The following PLEKHA4 variants were observed in gnomAD, a reference collection of about 807,000 sequenced individuals.
PLEKHA4 encodes pleckstrin homology domain-containing family A member 4.
Under a neutral mutation model 94.7 loss-of-function variants are expected in PLEKHA4, and 73 were observed. The observed-to-expected ratio is 0.77, with a 90% CI of 0.64 to 0.94. PLEKHA4 has a LOEUF of 0.94. PLEKHA4 is among the 40% of genes least tolerant of loss of function. The probability of loss-of-function intolerance (pLI) is 0.00; values close to 1 mark genes in which losing one functional copy is unlikely to be tolerated. For synonymous variants in PLEKHA4, 449 were observed against 437.1 expected, an observed-to-expected ratio of 1.03 and a Z score of -0.34; for missense variants, 1,049 against 1,054.1, an observed-to-expected ratio of 1.00 and a Z score of 0.07.
rs761334864 is a variant in PLEKHA4, at chr19:48,854,018, G to C, written c.1165C>G (p.Gln389Glu). 4 of 1,614,138 alleles carry C rather than the reference G, an allele frequency of 2.5e-6. No homozygotes were observed. The highest frequency in any genetic ancestry group is 3.4e-6 in the Non-Finnish European group (4 of 1,180,014). Residue 389 changes from glutamine to glutamate, a missense_variant, in exon 11 of 20, where the codon CAG becomes GAG. Gln to Glu is a conservative substitution (Grantham distance 29, BLOSUM62 2). Transcript: ENST00000263265. ...CCAGGGCCCCGCACCTTCTCCTCCTGCTTCTGGTCTATCTCCTCCTGCAGC... is the reference window on the plus strand; with the variant it reads ...CCAGGGCCCCGCACCTTCTCCTCCTCCTTCTGGTCTATCTCCTCCTGCAGC... ...RRLQEEIDQK[Q>E]EEKEQLEAAL...
intron 7 of PLEKHA4, 100 bp downstream of exon 7, chr19:48,859,369 C>G (rs1449098545): frequency 1.5e-6 from 2 of 1,300,550 alleles, no homozygotes; most frequent in Admixed American, 4.6e-5. Context: ...CCCAGCAAGT[C>G]ACACACACTC....
At chr19:48,851,569 T>G (rs1407442901) in intron 13 of PLEKHA4, among the ~76,000 whole-genome samples, 1 of 151,778 alleles carries the variant, frequency 6.6e-6, no homozygotes, top group Non-Finnish European at 1.5e-5. Flanking sequence ...TGAGCTGAGA[T>G]CGTGCCATTG....
At chr19:48,856,171 C>CA (rs763000093) in intron 9 of PLEKHA4, among the ~76,000 whole-genome samples, 2,335 of 60,180 alleles carry the variant, frequency 0.039, 39 homozygotes, top group Middle Eastern at 0.22. Context: ...AACTCCTTCT[C>CA]AAAAAAAAAA....
In PLEKHA4 at chr19:48,863,626, G is replaced by A. The variant is rs543285943; in HGVS notation, c.192+1877C>T. ...TTTTTTTTTTGTATTTTTTAGTAGA[G>A]ATGGGGGTTCACCGTGTTAGCCAGG... On this transcript the variant is annotated intron_variant, in intron 3 of 19. Transcript: ENST00000263265. 8.6e-5 allele frequency among the ~76,000 whole-genome samples: 13 copies of A among 151,012 alleles called. 1 individual carries two copies. In the East Asian group the frequency reaches 2.5e-3, roughly 29 times the overall value.
chr19:48,860,333 C>T lies in PLEKHA4; in HGVS notation c.476+17G>A. The stretch of plus-strand genomic sequence containing the variant: ...TCAGGGTGGAGGGTCAGGAGCATGG[C>T]TTGGACCTCTACTCACTAGTCGTCC... On this transcript the variant is annotated intron_variant, in intron 6 of 19. Coordinates refer to ENST00000263265, the MANE Select transcript of PLEKHA4 (RefSeq NM_020904.3). 1 of 1,602,972 alleles carries T rather than the reference C, an allele frequency of 6.2e-7. No homozygotes were observed. The highest frequency in any genetic ancestry group is 8.5e-7 in the Non-Finnish European group (1 of 1,170,884).
intron 13 of PLEKHA4, among the ~76,000 whole-genome samples, chr19:48,851,464 A>G (rs1224934505): frequency 6.6e-6 from 1 of 150,382 alleles, no homozygotes; most frequent in African/African-American, 2.5e-5. Flanking sequence ...TAAAAATACA[A>G]AATTAGCTGG....
chr19:48,861,488 C>G lies in PLEKHA4; in HGVS notation c.279G>C (p.Glu93Asp). 1 of 1,614,098 alleles carries G rather than the reference C, an allele frequency of 6.2e-7. No homozygotes were observed. The highest frequency in any genetic ancestry group is 8.5e-7 in the Non-Finnish European group (1 of 1,180,012). ...CLFYYKDSRE[E>D]SVLGSVLLPS... ...GGAGCAGGACGCTGCCTAGGACACT[C>G]TCCTCGCGGCTGTCTGCAAAGAGGG... Residue 93 changes from glutamate to aspartate, a missense_variant, in exon 5 of 20, where the codon GAG (glutamate) becomes GAC (aspartate). Glu to Asp is a conservative substitution (Grantham distance 45, BLOSUM62 2). Coordinates refer to ENST00000263265, the MANE Select transcript of PLEKHA4 (RefSeq NM_020904.3).
At chr19:48,842,778 T>A (rs985598420) in intron 16 of PLEKHA4, among the ~76,000 whole-genome samples, 1 of 152,212 alleles carries the variant, frequency 6.6e-6, no homozygotes, top group Non-Finnish European at 1.5e-5. Flanking sequence ...TCCTGTGCAG[T>A]GGTCCTCACC....
Position 48,847,976 on chromosome 19 carries a change from G to A in PLEKHA4, c.1490C>T (p.Pro497Leu). 1.2e-6 allele frequency: 2 copies of A among 1,613,394 alleles called. No individual in the cohort carries two copies. Among genetic ancestry groups the A allele is most frequent in the Non-Finnish European group, 1.7e-6 (2 of 1,179,764 alleles). The change falls in exon 14 of 20, where the codon CCC becomes CTC. Residue 497 changes from proline to leucine, a missense_variant. By Grantham distance (98) the Pro-to-Leu change is moderately conservative. Transcript: ENST00000263265. ...VEDTLAGLGG[P>L]QKPPPHTEPD... ...CTCAGTGTGTGGGGGCGGTTTCTGG[G>A]GGCCACCCAGACCTGCCAGCGTGTC...
intron 9 of PLEKHA4, 61 bp from the exon 10 acceptor site, chr19:48,854,325 G>A (rs1340419400): frequency 6.9e-7 from 1 of 1,458,522 alleles, no homozygotes; most frequent in Non-Finnish European, 9.6e-7. Flanking sequence ...TTGTAACTCA[G>A]TGCTGAGCCA....
intron 12 of PLEKHA4, 43 bp downstream of exon 12, chr19:48,853,639 C>T: frequency 6.8e-7 from 1 of 1,470,126 alleles, no homozygotes. Context: ...CTTGCATAGT[C>T]CTGGGGCCTC....
In PLEKHA4 at chr19:48,845,442, A is replaced by AAGACCTGG. The variant is rs1329093080; in HGVS notation, c.1667-4_1670dup (p.Gly558GlnfsTer24). On this transcript the variant is annotated frameshift_variant, in exon 16 of 20. Coordinates refer to ENST00000263265, the MANE Select transcript of PLEKHA4 (RefSeq NM_020904.3). LOFTEE classifies it high-confidence loss of function. ...AAGCCCGGGAGACCCTCGGAGACCCAAGACCTGGAAAGACAGAACGGGACT... is the reference window on the plus strand; with the variant it reads ...AAGCCCGGGAGACCCTCGGAGACCCAAGACCTGGAGACCTGGAAAGACAGAACGGGACT... 6.2e-7 allele frequency: 1 copy of AAGACCTGG among 1,614,052 alleles called. No individual in the cohort carries two copies. Among genetic ancestry groups the AAGACCTGG allele is most frequent in the Admixed American group, 1.7e-5 (1 of 59,996 alleles).
In PLEKHA4 at chr19:48,837,188, G is replaced by T. The variant is rs1270807762; in HGVS notation, c.*101C>A. The T allele has an allele frequency of 1.9e-6, 3 of 1,560,800 alleles. No individual in the cohort carries two copies. In the African/African-American group the frequency reaches 4.1e-5, roughly 21 times the overall value. On this transcript the variant is annotated 3_prime_UTR_variant, in exon 20 of 20. Transcript: ENST00000263265. This position sits in a 1 kb window ranked among gnomAD's most constrained non-coding sequence, Gnocchi z 4.3. ...CATTCCCCTCCCGGGCCCGCAATGG[G>T]GACCAGACCACGCCCCCTGATGCCC...
chr19:48,864,155 G>A (rs1420951545), intron 3 of PLEKHA4, among the ~76,000 whole-genome samples: 1 of 151,274 alleles, frequency 6.6e-6, no homozygotes, highest in Non-Finnish European at 1.5e-5. Context: ...CCTTTTGGAT[G>A]CGATCTGCCT....
At chr19:48,850,909 G>A (rs749500720) in intron 13 of PLEKHA4, among the ~76,000 whole-genome samples, 23 of 152,056 alleles carry the variant, frequency 1.5e-4, no homozygotes, top group Non-Finnish European at 2.6e-4. Context: ...GGAGGCCGAG[G>A]TGGGTGGATC....
At chr19:48,866,162 C>T (rs1267425887) in intron 2 of PLEKHA4, among the ~76,000 whole-genome samples, 1 of 151,866 alleles carries the variant, frequency 6.6e-6, no homozygotes, top group African/African-American at 2.4e-5. Context: ...ACACTGCAGC[C>T]TTTACCTCCT....
At chr19:48,862,558 G>T (rs1425081333) in intron 3 of PLEKHA4, among the ~76,000 whole-genome samples, 2 of 150,142 alleles carry the variant, frequency 1.3e-5, no homozygotes, top group Non-Finnish European at 2.9e-5. Context: ...GCCCAGGCTG[G>T]AGTGCAGTGG....
intron 13 of PLEKHA4, among the ~76,000 whole-genome samples, chr19:48,848,350 G>A (rs2122984508): frequency 6.6e-6 from 1 of 151,534 alleles, no homozygotes; most frequent in South Asian, 2.1e-4. Flanking sequence ...GCCGGGCGTA[G>A]TGGCGGGCAC....
At chr19:48,839,296 C>T in intron 17 of PLEKHA4, 33 bp from the exon 18 acceptor site, 1 of 1,463,422 alleles carries the variant, frequency 6.8e-7, no homozygotes, top group Non-Finnish European at 9.3e-7. Context: ...GAACTCCTCA[C>T]CTGGAAGCCC....
Sources: gnomAD v4.1 joint callset for allele counts (sites outside exome capture counted in the v4.1 genomes callset) on GRCh38, gnomAD v4.1.1 for gene constraint, Gnocchi (gnomAD v3.1) non-coding constraint, MANE v1.5 for transcripts, NCBI Gene and HGNC (gene_info 2026-07-23, HGNC 2026-07-21) for gene names.